SLC28A3: variants seen among roughly 807,000 people sequenced by gnomAD.
The protein encoded by SLC28A3 is concentrative Na(+)-nucleoside cotransporter 3.
SLC28A3 carries 68 observed loss-of-function variants against 84.2 expected under a neutral mutation model. That is an observed-to-expected ratio of 0.81 (90% CI 0.66 to 0.99). The LOEUF is 0.99. Among genes scored for constraint, SLC28A3 ranks in the 50% least tolerant of loss-of-function variants. The pLI, the probability that SLC28A3 is intolerant of heterozygous loss-of-function variation, is 0.00. For missense variants in SLC28A3, 712 were observed against 841.5 expected, an observed-to-expected ratio of 0.85 and a Z score of 1.90; for synonymous variants, 267 against 303.6, an observed-to-expected ratio of 0.88 and a Z score of 1.25.
chr9:84,305,227 G>A (rs770275921), intron 4 of SLC28A3, 27 bp downstream of exon 4: 24 of 1,480,782 alleles, frequency 1.6e-5, no homozygotes, highest in Non-Finnish European at 2.1e-5. Context: ...AAAGACAGTG[G>A]TATCCCTAAC....
chr9:84,366,944 G>C, the SLC28A3 span, among the ~76,000 whole-genome samples: 1 of 152,190 alleles, frequency 6.6e-6, no homozygotes, highest in Non-Finnish European at 1.5e-5. Flanking sequence ...CAGGTGACAA[G>C]GCTAGTCAGG....
intron 1 of SLC28A3, among the ~76,000 whole-genome samples, chr9:84,318,871 GAA>G (rs1332591307): frequency 1.5e-5 from 2 of 133,204 alleles, no homozygotes; most frequent in African/African-American, 2.7e-5. Flanking sequence ...CCCTGTCTCA[GAA>G]AAAAAAAAAA....
At position 84,280,082 on chromosome 9, in the gene SLC28A3, C is replaced by T. The variant is rs377064600; in HGVS notation, c.1730-9G>A. The T allele has an allele frequency of 4.2e-5, 67 of 1,612,602 alleles. No individual in the cohort carries two copies. The African/African-American group carries it at 8.5e-4, about 21-fold the overall frequency. On this transcript the variant is annotated splice_polypyrimidine_tract_variant and intron_variant, in intron 15 of 17. Transcript: ENST00000376238. ...GGAAGGAGCCATGGATGCTGGGAAA[C>T]ATGGAAGGAGGGATGTGAGATCAAT...
rs150442323 is a variant in SLC28A3, at chr9:84,306,994, C to CAA, written c.243-1651_243-1650dup. 2.0e-3 allele frequency among the ~76,000 whole-genome samples: 52 copies of CAA among 25,950 alleles called. 6 individuals are homozygous for CAA. Among genetic ancestry groups the CAA allele is most frequent in the African/African-American group, 3.6e-3 (25 of 6,894 alleles). The allele number at this position is 25,950 out of a possible 152,430, so 17.0% of individuals were successfully genotyped here. On this transcript the variant is annotated intron_variant, in intron 3 of 17. Transcript: ENST00000376238. Reference sequence around the variant, plus strand: ...GAAACACAGTGAGACCTTGTCTCTACAAAAAAAAAAAAAAAAAAAAAAAAA... The same window carrying CAA: ...GAAACACAGTGAGACCTTGTCTCTACAAAAAAAAAAAAAAAAAAAAAAAAAAA...
At position 84,292,734 on chromosome 9, in the gene SLC28A3, C is replaced by G; in HGVS notation, c.957G>C (p.Met319Ile). ...QWIIRKVGWI[M>I]LVTTGSSPIE... ...TAGGAGATGATCCCGTAGTAACTAG[C>G]ATGATCCATCCAACCTAAAAGGAAG... The change falls in exon 10 of 18, where the codon ATG (methionine) becomes ATC (isoleucine). Residue 319 changes from methionine to isoleucine, a missense_variant. Coordinates refer to ENST00000376238, the MANE Select transcript of SLC28A3 (RefSeq NM_001199633.2). 1 of 1,580,628 alleles carries G rather than the reference C, an allele frequency of 6.3e-7. No individual in the cohort carries two copies. Among genetic ancestry groups the G allele is most frequent in the Non-Finnish European group, 8.6e-7 (1 of 1,167,816 alleles).
the SLC28A3 span, among the ~76,000 whole-genome samples, chr9:84,361,325 C>G: frequency 2.6e-5 from 4 of 152,130 alleles, no homozygotes; most frequent in East Asian, 7.7e-4. Context: ...GGCCTGGTGA[C>G]AGAGCGAGAC....
chr9:84,296,027 T>C (rs769532458), intron 8 of SLC28A3, among the ~76,000 whole-genome samples: 10 of 152,272 alleles, frequency 6.6e-5, no homozygotes, highest in East Asian at 3.9e-4. Context: ...GGATTCTGCA[T>C]TGGCAGGAAA....
At chr9:84,285,693 G>T in intron 13 of SLC28A3, 151 bp from the exon 14 acceptor site, 1 of 946,154 alleles carries the variant, frequency 1.1e-6, no homozygotes, top group Non-Finnish European at 1.6e-6. Context: ...AGGAATCAGG[G>T]CTAGAAATCG....
the SLC28A3 span, among the ~76,000 whole-genome samples, chr9:84,346,968 A>G: frequency 6.6e-6 from 1 of 152,128 alleles, no homozygotes; most frequent in Non-Finnish European, 1.5e-5. Flanking sequence ...TGAGGTAAGG[A>G]GTTCAAGACC....
intron 11 of SLC28A3, among the ~76,000 whole-genome samples, chr9:84,288,648 G>A (rs932625271): frequency 2.0e-5 from 3 of 151,928 alleles, no homozygotes; most frequent in South Asian, 2.1e-4. Flanking sequence ...CTGGTCAAGC[G>A]ATTCTCCTGC....
chr9:84,365,777 G>A, the SLC28A3 span, among the ~76,000 whole-genome samples: 21 of 152,300 alleles, frequency 1.4e-4, no homozygotes, highest in South Asian at 2.1e-3. Flanking sequence ...AAGACTGGGC[G>A]TGGTGGCTTA....
chr9:84,357,491 C>G, the SLC28A3 span, among the ~76,000 whole-genome samples: 2 of 151,860 alleles, frequency 1.3e-5, no homozygotes, highest in Non-Finnish European at 2.9e-5. Flanking sequence ...AATCTGGATT[C>G]CCTGGCCTGC....
chr9:84,342,492 A>C (rs1588633513), upstream of SLC28A3, among the ~76,000 whole-genome samples: 1 of 151,920 alleles, frequency 6.6e-6, no homozygotes, highest in Non-Finnish European at 1.5e-5. Context: ...GGCTTGCTGC[A>C]ACCTTGACCT....
At position 84,298,968 on chromosome 9, in the gene SLC28A3, A is replaced by T. The variant is rs143653723; in HGVS notation, c.669+613T>A. ...GATGTTCCCCTCAGCAGGGCAAAGA[A>T]CTTGGATCATATTAGTTGAACTTGG... On this transcript the variant is annotated intron_variant, in intron 6 of 17. Coordinates refer to ENST00000376238, the MANE Select transcript of SLC28A3 (RefSeq NM_001199633.2). Among the ~76,000 whole-genome samples the T allele has an allele frequency of 1.9e-3, 282 of 152,306 alleles. 2 individuals are homozygous for T. The highest frequency in any genetic ancestry group is 1.4e-3 in the Admixed American group (22 of 15,292).
the SLC28A3 span, among the ~76,000 whole-genome samples, chr9:84,362,212 C>CT: frequency 6.6e-6 from 1 of 152,192 alleles, no homozygotes; most frequent in African/African-American, 2.4e-5. Flanking sequence ...GAGGCAGAGA[C>CT]TGGGAAAGGG....
intron 17 of SLC28A3, among the ~76,000 whole-genome samples, chr9:84,278,654 A>G (rs1588551720): frequency 6.6e-6 from 1 of 151,872 alleles, no homozygotes; most frequent in Admixed American, 6.6e-5. Flanking sequence ...AAAACTGTAC[A>G]GGGTGGGGGT....
At chr9:84,330,106 A>C (rs1826720480) in intron 1 of SLC28A3, among the ~76,000 whole-genome samples, 1 of 152,098 alleles carries the variant, frequency 6.6e-6, no homozygotes, top group Non-Finnish European at 1.5e-5. Flanking sequence ...AATATAGACT[A>C]GAAAAACAAA....
chr9:84,341,817 C>T (rs116443018), upstream of SLC28A3, among the ~76,000 whole-genome samples: 512 of 152,092 alleles, frequency 3.4e-3, 2 homozygotes, highest in African/African-American at 0.012. Flanking sequence ...ATTTAAAATA[C>T]TGCAAAACTG....
chr9:84,351,198 T>C, the SLC28A3 span, among the ~76,000 whole-genome samples: 5 of 152,202 alleles, frequency 3.3e-5, no homozygotes, highest in African/African-American at 1.2e-4. Flanking sequence ...ACCCACATAT[T>C]AGTCTAGGCC....
Sources: gnomAD v4.1 joint callset for allele counts (sites outside exome capture counted in the v4.1 genomes callset) on GRCh38, gnomAD v4.1.1 for gene constraint, MANE v1.5 for transcripts, NCBI Gene and HGNC (gene_info 2026-07-23, HGNC 2026-07-21) for gene names.